The following SIN3A variants were observed in gnomAD, a reference collection of about 807,000 sequenced individuals.
The protein encoded by SIN3A is SIN3 transcription regulator family member A.
SIN3A carries 14 observed loss-of-function variants against 146.1 expected under a neutral mutation model. That is an observed-to-expected ratio of 0.10 (90% CI 0.06 to 0.15). SIN3A has a LOEUF of 0.15. Ranked by LOEUF, SIN3A falls within the 10% of genes least tolerant of loss-of-function variation. The pLI is 1.00. For synonymous variants in SIN3A, 572 were observed against 572.0 expected, an observed-to-expected ratio of 1.00 and a Z score of 0.00; for missense variants, 1,028 against 1,576.0, an observed-to-expected ratio of 0.65 and a Z score of 5.89.
Position 75,370,950 on chromosome 15 carries a change from C to A in SIN3A, c.*1029G>T, listed in dbSNP as rs1004660676. The A allele has an allele frequency of 5.1e-5, 6 of 118,602 alleles. No homozygotes were observed. Among genetic ancestry groups the A allele is most frequent in the Non-Finnish European group, 1.0e-4 (6 of 58,916 alleles). 7.3% of individuals were successfully genotyped at this position (118,602 alleles called of 1,614,324 possible). A position where few individuals can be genotyped will look rare whatever the true frequency, so the allele number is the denominator to read the frequency against. On this transcript the variant is annotated 3_prime_UTR_variant, in exon 21 of 21. Coordinates refer to ENST00000394947, the MANE Select transcript of SIN3A (RefSeq NM_001145358.2). ...GTTTATTCCTTAAGTAAGAACCAAG[C>A]TTTATTTATTTACAAAAAAAAAAAA...
chr15:75,440,409 T>G (rs1275919561), intron 1 of SIN3A, among the ~76,000 whole-genome samples: 2 of 151,614 alleles, frequency 1.3e-5, no homozygotes, highest in African/African-American at 4.8e-5. Flanking sequence ...TTTTTGTATT[T>G]TTAGTAGAAA....
At chr15:75,445,759 G>GAAAAAAAAAAAAAAAAAAAAAAA (rs774883850) in intron 1 of SIN3A, among the ~76,000 whole-genome samples, 5 of 86,376 alleles carry the variant, frequency 5.8e-5, no homozygotes, top group African/African-American at 8.4e-5. Flanking sequence ...TCAAAAAAAA[G>GAAAAAAAAAAAAAAAAAAAAAAA]AAAAAAAAAA....
chr15:75,424,164 G>A (rs2073886112), intron 2 of SIN3A, among the ~76,000 whole-genome samples: 1 of 152,152 alleles, frequency 6.6e-6, no homozygotes, highest in Non-Finnish European at 1.5e-5. Flanking sequence ...CGGGCGTGGT[G>A]GCTCATGCCT....
At position 75,371,747 on chromosome 15, in the gene SIN3A, C is replaced by CATA; in HGVS notation, c.*231_*232insTAT. On this transcript the variant is annotated 3_prime_UTR_variant, in exon 21 of 21. Transcript: ENST00000394947. ...TCCTTCCCCTCCAGGGCAGGCTATACCCAAAACCCTTTGGGAAAAGTTCCA... is the reference window on the plus strand; with the variant it reads ...TCCTTCCCCTCCAGGGCAGGCTATACATACCAAAACCCTTTGGGAAAAGTTCCA... 1 of 544,892 alleles carries CATA rather than the reference C, an allele frequency of 1.8e-6. No homozygotes were observed. The highest frequency in any genetic ancestry group is 2.5e-5 in the South Asian group (1 of 40,482). The allele number at this position is 544,892 out of a possible 1,614,324, so 33.8% of individuals were successfully genotyped here. A position where few individuals can be genotyped will look rare whatever the true frequency, so the allele number is the denominator to read the frequency against.
chr15:75,454,655 CCACCCCCTCGTGGGCGCGCA>C (rs1458243470), upstream of SIN3A, among the ~76,000 whole-genome samples: 3 of 152,004 alleles, frequency 2.0e-5, no homozygotes, highest in Non-Finnish European at 4.4e-5. Flanking sequence ...CCCTTTCAGG[CCACCCCCTCGTGGGCGCGCA>C]CACGCCCGCG....
intron 9 of SIN3A, among the ~76,000 whole-genome samples, chr15:75,403,123 G>A (rs1421539932): frequency 6.6e-6 from 1 of 151,722 alleles, no homozygotes; most frequent in East Asian, 2.0e-4. Context: ...TTCTGTTTAT[G>A]TATGTTCAAA....
In SIN3A at chr15:75,370,086, C is replaced by CA. The variant is rs1276892453; in HGVS notation, c.*1892dup. 2 of 152,380 alleles carry CA rather than the reference C, an allele frequency of 1.3e-5. No homozygotes were observed. The highest frequency in any genetic ancestry group is 6.6e-5 in the Admixed American group (1 of 15,260). 9.4% of individuals were successfully genotyped at this position (152,380 alleles called of 1,614,324 possible). On this transcript the variant is annotated 3_prime_UTR_variant, in exon 21 of 21. Coordinates refer to ENST00000394947, the MANE Select transcript of SIN3A (RefSeq NM_001145358.2). The stretch of plus-strand genomic sequence containing the variant: ...GCAGCATAGCAAGACCCTGTCTCTA[C>CA]AAAAAGTTAAAAAATTAGCTGGGCG...
Position 75,394,674 on chromosome 15 carries a change from G to A in SIN3A, c.2277+6C>T, listed in dbSNP as rs372562334. On this transcript the variant is annotated splice_donor_region_variant and intron_variant, in intron 14 of 20. Coordinates refer to ENST00000394947, the MANE Select transcript of SIN3A (RefSeq NM_001145358.2). ...CCTCTCACAGATGCAGAAACCCCCCGCTCACCTCATCATAGATACTCTCAA... is the reference window on the plus strand; with the variant it reads ...CCTCTCACAGATGCAGAAACCCCCCACTCACCTCATCATAGATACTCTCAA... The A allele has an allele frequency of 1.9e-5, 31 of 1,601,286 alleles. No individual in the cohort carries two copies. The African/African-American group carries it at 2.0e-4, about 10-fold the overall frequency.
chr15:75,434,143 T>C (rs2074061339), intron 1 of SIN3A, among the ~76,000 whole-genome samples: 1 of 152,308 alleles, frequency 6.6e-6, no homozygotes, highest in South Asian at 2.1e-4. Flanking sequence ...CCTTTACTTA[T>C]TTAAGGCACA....
At chr15:75,435,079 G>A (rs771561942) in intron 1 of SIN3A, among the ~76,000 whole-genome samples, 9 of 151,950 alleles carry the variant, frequency 5.9e-5, no homozygotes, top group Non-Finnish European at 1.3e-4. Flanking sequence ...CAACTTGTAG[G>A]TATTTATTAA....
intron 1 of SIN3A, among the ~76,000 whole-genome samples, chr15:75,434,552 A>C (rs2074069537): frequency 6.6e-6 from 1 of 151,850 alleles, no homozygotes; most frequent in Non-Finnish European, 1.5e-5. Context: ...CAGGAGGCTG[A>C]GGCACGAGAA....
At chr15:75,379,220 A>C (rs1217410915) in intron 19 of SIN3A, among the ~76,000 whole-genome samples, 1 of 152,184 alleles carries the variant, frequency 6.6e-6, no homozygotes. Flanking sequence ...TTTTCAAATG[A>C]ATTAAAGATT....
chr15:75,370,210 T>A lies in SIN3A; in HGVS notation c.*1769A>T, dbSNP rs773667376. Reference sequence around the variant, plus strand: ...CTATGATCGTGGCACTGCACTCCAGTGTGGGTCATAAAGCGAGACACTGTC... The same window carrying A: ...CTATGATCGTGGCACTGCACTCCAGAGTGGGTCATAAAGCGAGACACTGTC... On this transcript the variant is annotated 3_prime_UTR_variant, in exon 21 of 21. Transcript: ENST00000394947. 6.6e-6 allele frequency: 1 copy of A among 152,322 alleles called. No homozygotes were observed. The highest frequency in any genetic ancestry group is 2.1e-4 in the South Asian group (1 of 4,876). The allele number at this position is 152,322 out of a possible 1,614,324, so 9.4% of individuals were successfully genotyped here. A position where few individuals can be genotyped will look rare whatever the true frequency, so the allele number is the denominator to read the frequency against.
intron 2 of SIN3A, among the ~76,000 whole-genome samples, chr15:75,429,170 A>G (rs1387365954): frequency 6.6e-6 from 1 of 152,156 alleles, no homozygotes; most frequent in African/African-American, 2.4e-5. Context: ...TTGTAATCCC[A>G]GCTCTTTGGG....
chr15:75,396,620 CT>C, intron 12 of SIN3A, 124 bp from the exon 13 acceptor site: 1 of 660,948 alleles, frequency 1.5e-6, no homozygotes, highest in East Asian at 2.7e-5. Flanking sequence ...GCCCTACTAG[CT>C]ACATAAGACT....
At chr15:75,404,806 C>A (rs866737982) in intron 9 of SIN3A, among the ~76,000 whole-genome samples, 4 of 151,604 alleles carry the variant, frequency 2.6e-5, no homozygotes, top group Non-Finnish European at 5.9e-5. Context: ...AAACAAAAAA[C>A]CCATTACTCT....
intron 2 of SIN3A, among the ~76,000 whole-genome samples, chr15:75,429,304 C>T (rs926245330): frequency 9.2e-5 from 14 of 152,048 alleles, no homozygotes; most frequent in African/African-American, 3.1e-4. Context: ...ACCTGTAGTC[C>T]TAGCTACTAG....
intron 2 of SIN3A, 99 bp downstream of exon 2, chr15:75,430,068 TACCTTACACATACTCAACAA>T: frequency 4.1e-6 from 3 of 724,490 alleles, no homozygotes; most frequent in Non-Finnish European, 4.5e-6. Context: ...TTTTTTTTTT[TACCTTACACATACTCAACAA>T]TTTTTAATAT....
At chr15:75,384,505 C>T in intron 16 of SIN3A, 68 bp from the exon 17 acceptor site, 1 of 877,268 alleles carries the variant, frequency 1.1e-6, no homozygotes, top group Non-Finnish European at 1.4e-6. Flanking sequence ...AGTCAACGTT[C>T]CTTTGATGTA....
Sources: gnomAD v4.1 joint callset for allele counts (sites outside exome capture counted in the v4.1 genomes callset) on GRCh38, gnomAD v4.1.1 for gene constraint, MANE v1.5 for transcripts, NCBI Gene and HGNC (gene_info 2026-07-23, HGNC 2026-07-21) for gene names.